The following SHLD1 variants were observed in gnomAD, a reference collection of about 807,000 sequenced individuals.
SHLD1 encodes the protein shieldin complex subunit 1.
Under a neutral mutation model 5.5 loss-of-function variants are expected in SHLD1, and 3 were observed. That is an observed-to-expected ratio of 0.54 (90% CI 0.25 to 1.40). The LOEUF (loss-of-function observed/expected upper bound fraction) is 1.40, where lower values mean the gene tolerates loss of function less well. SHLD1 is among the 40% of genes most tolerant of loss of function. The pLI, the probability that SHLD1 is intolerant of heterozygous loss-of-function variation, is 0.15. For synonymous variants in SHLD1, 92 were observed against 94.3 expected, an observed-to-expected ratio of 0.98 and a Z score of 0.14; for missense variants, 210 against 244.4, an observed-to-expected ratio of 0.86 and a Z score of 0.94.
intron 2 of SHLD1, among the ~76,000 whole-genome samples, chr20:5,815,849 G>C (rs991429257): frequency 1.3e-5 from 2 of 152,188 alleles, no homozygotes; most frequent in African/African-American, 4.8e-5. Flanking sequence ...GGGAGGCCAT[G>C]ATGGGCTGAT....
At chr20:5,837,170 T>C (rs550820743) in intron 2 of SHLD1, among the ~76,000 whole-genome samples, 1 of 152,262 alleles carries the variant, frequency 6.6e-6, no homozygotes, top group East Asian at 1.9e-4. Context: ...GAAATTTGTA[T>C]TGAGAGGCTA....
chr20:5,753,857 T>C lies in SHLD1; in HGVS notation c.-5+3378T>C, dbSNP rs190832213. On this transcript the variant is annotated intron_variant, in intron 1 of 2. Coordinates refer to ENST00000303142, the MANE Select transcript of SHLD1 (RefSeq NM_152504.4). ...AAAACCAACCTCATCTTGCCCCAAA[T>C]GGGGGAGATCCGTTCGGAACCCCCC... Among the ~76,000 whole-genome samples, 467 of 152,256 alleles carry C rather than the reference T, an allele frequency of 3.1e-3. 1 individual carries two copies. Among genetic ancestry groups the C allele is most frequent in the African/African-American group, 0.011 (454 of 41,562 alleles).
chr20:5,827,583 C>T (rs1367547276), intron 2 of SHLD1, among the ~76,000 whole-genome samples: 1 of 152,174 alleles, frequency 6.6e-6, no homozygotes, highest in Non-Finnish European at 1.5e-5. Flanking sequence ...ATACCCTCCT[C>T]CCCTGCCATT....
intron 2 of SHLD1, among the ~76,000 whole-genome samples, chr20:5,847,024 C>T (rs1308557464): frequency 6.6e-6 from 1 of 152,024 alleles, no homozygotes. Flanking sequence ...CTCCCCTGCT[C>T]GGCCCATCAT....
intron 2 of SHLD1, among the ~76,000 whole-genome samples, chr20:5,787,360 T>A (rs1488375119): frequency 6.6e-6 from 1 of 152,228 alleles, no homozygotes. Context: ...CCAGAACTCT[T>A]CTTATTCTTG....
At chr20:5,832,122 A>G (rs758261485) in intron 2 of SHLD1, among the ~76,000 whole-genome samples, 1 of 152,170 alleles carries the variant, frequency 6.6e-6, no homozygotes, top group Non-Finnish European at 1.5e-5. Flanking sequence ...TGTATTTTCA[A>G]TAGCGATGGG....
intron 2 of SHLD1, among the ~76,000 whole-genome samples, chr20:5,839,588 T>C (rs531773524): frequency 6.6e-6 from 1 of 152,298 alleles, no homozygotes; most frequent in African/African-American, 2.4e-5. Context: ...TGGAAGTACA[T>C]GTTCAGATAA....
intron 2 of SHLD1, among the ~76,000 whole-genome samples, chr20:5,792,590 T>A (rs2087156024): frequency 6.6e-6 from 1 of 151,944 alleles, no homozygotes. Flanking sequence ...TGGCTAATTT[T>A]TGAATTTTTA....
At chr20:5,801,483 A>G (rs1266178585) in intron 2 of SHLD1, among the ~76,000 whole-genome samples, 1 of 152,230 alleles carries the variant, frequency 6.6e-6, no homozygotes, top group African/African-American at 2.4e-5. Context: ...ACGAGAATCA[A>G]GTATCCTACT....
intron 2 of SHLD1, among the ~76,000 whole-genome samples, chr20:5,848,973 A>G (rs970457129): frequency 5.3e-5 from 8 of 152,204 alleles, no homozygotes; most frequent in Admixed American, 2.6e-4. Context: ...AAAGCACCTG[A>G]CCAAACCATC....
intron 2 of SHLD1, among the ~76,000 whole-genome samples, chr20:5,798,371 C>T (rs886819594): frequency 1.3e-5 from 2 of 151,742 alleles, no homozygotes; most frequent in African/African-American, 4.8e-5. Context: ...GGCGTGATCT[C>T]GGCTCACTGC....
intron 2 of SHLD1, among the ~76,000 whole-genome samples, chr20:5,779,325 T>C (rs1600113185): frequency 6.6e-6 from 1 of 152,176 alleles, no homozygotes; most frequent in East Asian, 1.9e-4. Flanking sequence ...CCCAACCTGG[T>C]TTACTCCGAC....
At chr20:5,835,661 A>C (rs540945336) in intron 2 of SHLD1, among the ~76,000 whole-genome samples, 4 of 152,226 alleles carry the variant, frequency 2.6e-5, no homozygotes, top group African/African-American at 9.6e-5. Context: ...GGAGGAGCAC[A>C]GATGGCCTTT....
At chr20:5,818,608 T>TC (rs2087568278) in intron 2 of SHLD1, among the ~76,000 whole-genome samples, 1 of 152,202 alleles carries the variant, frequency 6.6e-6, no homozygotes, top group Non-Finnish European at 1.5e-5. Context: ...ATCCAGGAAC[T>TC]CTTGGTCCTT....
intron 1 of SHLD1, among the ~76,000 whole-genome samples, chr20:5,760,158 C>T (rs1568487824): frequency 6.6e-6 from 1 of 151,960 alleles, no homozygotes; most frequent in Non-Finnish European, 1.5e-5. Context: ...GTGAAAGGTC[C>T]AGTCGAACAG....
chr20:5,851,742 G>A (rs1446624180), intron 2 of SHLD1, among the ~76,000 whole-genome samples: 3 of 151,606 alleles, frequency 2.0e-5, no homozygotes, highest in Non-Finnish European at 2.9e-5. Flanking sequence ...ATTTGATATC[G>A]TTTGGATGTC....
chr20:5,752,819 G>A (rs1347004505), intron 1 of SHLD1, among the ~76,000 whole-genome samples: 1 of 151,976 alleles, frequency 6.6e-6, no homozygotes, highest in Non-Finnish European at 1.5e-5. Context: ...TTTTGAGATG[G>A]AGTCTTGCCC....
chr20:5,854,682 A>G (rs1030882831), intron 2 of SHLD1, among the ~76,000 whole-genome samples: 9 of 152,230 alleles, frequency 5.9e-5, no homozygotes, highest in Admixed American at 1.3e-4. Flanking sequence ...TGCACATAAC[A>G]TGAAGTCTTA....
chr20:5,820,783 A>C (rs1872715820), intron 2 of SHLD1, among the ~76,000 whole-genome samples: 1 of 152,230 alleles, frequency 6.6e-6, no homozygotes, highest in South Asian at 2.1e-4. Context: ...TTTTGTCTCT[A>C]GGTTTGATGT....
Sources: allele counts gnomAD v4.1 joint callset (sites outside exome capture counted in the v4.1 genomes callset), GRCh38; gene constraint gnomAD v4.1.1; transcripts MANE v1.5; gene names NCBI Gene and HGNC (gene_info 2026-07-23, HGNC 2026-07-21).